The following MB21D2 variants were observed in gnomAD, a reference collection of about 807,000 sequenced individuals.
MB21D2 encodes the protein Mab-21 domain containing 2, also known as nucleotidyltransferase MB21D2.
MB21D2 carries 9 observed loss-of-function variants against 33.3 expected under a neutral mutation model. The observed-to-expected ratio is 0.27, with a 90% CI of 0.16 to 0.47. MB21D2 has a LOEUF of 0.47. Among genes scored for constraint, MB21D2 ranks in the 20% least tolerant of loss-of-function variants. MB21D2 has a pLI of 0.99. For synonymous variants in MB21D2, 241 were observed against 236.3 expected (o/e 1.02, Z -0.18); for missense variants, 540 against 624.6 (o/e 0.86, Z 1.44).
intron 1 of MB21D2, among the ~76,000 whole-genome samples, chr3:192,894,288 C>G (rs1333372676): frequency 6.6e-6 from 1 of 151,770 alleles, no homozygotes; most frequent in Non-Finnish European, 1.5e-5. Flanking sequence ...ACCACCATGC[C>G]TGGCTGATTT....
intron 1 of MB21D2, among the ~76,000 whole-genome samples, chr3:192,838,847 A>C (rs1310212647): frequency 1.3e-5 from 2 of 152,214 alleles, no homozygotes; most frequent in African/African-American, 4.8e-5. Flanking sequence ...GGAATCTTGG[A>C]GCAGGGATAG....
chr3:192,845,085 A>G (rs979676907), intron 1 of MB21D2, among the ~76,000 whole-genome samples: 79 of 152,238 alleles, frequency 5.2e-4, no homozygotes, highest in African/African-American at 1.9e-3. Flanking sequence ...TTCAAAAGTA[A>G]AAGAAACATG....
At chr3:192,823,149 A>G (rs1314400803) in intron 1 of MB21D2, among the ~76,000 whole-genome samples, 2 of 152,214 alleles carry the variant, frequency 1.3e-5, no homozygotes, top group African/African-American at 4.8e-5. Context: ...CAAAGATCCT[A>G]TGTTCTAGTT....
intron 1 of MB21D2, among the ~76,000 whole-genome samples, chr3:192,808,515 A>G (rs1711714043): frequency 6.6e-6 from 1 of 152,218 alleles, no homozygotes; most frequent in Admixed American, 6.5e-5. Flanking sequence ...TTTTCAGTGT[A>G]ATGTTGTAAA....
chr3:192,839,344 C>T (rs1712519168), intron 1 of MB21D2, among the ~76,000 whole-genome samples: 1 of 152,170 alleles, frequency 6.6e-6, no homozygotes, highest in African/African-American at 2.4e-5. Flanking sequence ...GGGCACTCTT[C>T]TTCCTGCTCC....
At chr3:192,886,482 A>G (rs1713735414) in intron 1 of MB21D2, among the ~76,000 whole-genome samples, 1 of 152,120 alleles carries the variant, frequency 6.6e-6, no homozygotes. Context: ...AAATCTTGAC[A>G]CTTTGCTACA....
At chr3:192,905,985 T>C (rs1407539065) in intron 1 of MB21D2, among the ~76,000 whole-genome samples, 2 of 152,226 alleles carry the variant, frequency 1.3e-5, no homozygotes, top group Non-Finnish European at 1.5e-5. Flanking sequence ...CTTCCTGTGT[T>C]AAAACAGATA....
chr3:192,889,950 C>A (rs74287967), intron 1 of MB21D2, among the ~76,000 whole-genome samples: 1 of 151,884 alleles, frequency 6.6e-6, no homozygotes, highest in African/African-American at 2.4e-5. Flanking sequence ...AAAAATCCAA[C>A]GGTAGACACC....
At chr3:192,903,225 T>C (rs973252691) in intron 1 of MB21D2, among the ~76,000 whole-genome samples, 2 of 152,188 alleles carry the variant, frequency 1.3e-5, no homozygotes, top group African/African-American at 2.4e-5. Flanking sequence ...CAGGTACAAG[T>C]ATCTTTCTTA....
intron 1 of MB21D2, among the ~76,000 whole-genome samples, chr3:192,896,495 G>C (rs912300260): frequency 6.6e-6 from 1 of 152,136 alleles, no homozygotes. Flanking sequence ...TGGAACAACA[G>C]GTGCATGCCA....
rs777311233 is a variant in MB21D2 at position 192,799,559 on chromosome 3, G to C, written c.303C>G (p.Asp101Glu). The change falls in exon 2 of 2, where the codon GAC (aspartate) becomes GAG (glutamate). Residue 101 changes from aspartate to glutamate, a missense_variant. Physicochemically the swap from Asp to Glu is conservative, Grantham distance 45. Transcript: ENST00000392452. This position sits in a 1 kb window ranked among gnomAD's most constrained non-coding sequence, Gnocchi z 4.1. ...GGGCATAGACATTAAGCTCATCTAA[G>C]TCCAGGTCCACCACGCCTTCCCGGA... ...GGVREGVVDL[D>E]LDELNVYARG... The C allele has an allele frequency of 6.2e-7, 1 of 1,614,130 alleles. No homozygotes were observed. Among genetic ancestry groups the C allele is most frequent in the Non-Finnish European group, 8.5e-7 (1 of 1,180,032 alleles).
At chr3:192,843,418 G>C (rs1460471879) in intron 1 of MB21D2, among the ~76,000 whole-genome samples, 2 of 152,080 alleles carry the variant, frequency 1.3e-5, no homozygotes, top group Non-Finnish European at 2.9e-5. Flanking sequence ...GATCAGACAA[G>C]GAGACTGTCA....
At chr3:192,917,380 A>G (rs1047193972) in intron 1 of MB21D2, among the ~76,000 whole-genome samples, 2 of 152,214 alleles carry the variant, frequency 1.3e-5, no homozygotes, top group Non-Finnish European at 2.9e-5. Flanking sequence ...TGGCGGAGAA[A>G]TTAACAAAAG....
chr3:192,842,648 TTTA>T (rs1712599506), intron 1 of MB21D2, among the ~76,000 whole-genome samples: 1 of 152,178 alleles, frequency 6.6e-6, no homozygotes, highest in South Asian at 2.1e-4. Flanking sequence ...AAAATAATCC[TTTA>T]TAACACTGAC....
chr3:192,855,324 C>G (rs1456337166), intron 1 of MB21D2, among the ~76,000 whole-genome samples: 2 of 152,196 alleles, frequency 1.3e-5, no homozygotes, highest in Non-Finnish European at 2.9e-5. Context: ...GTCTCTAACT[C>G]CTGGCCTCGT....
chr3:192,901,413 C>CAAA (rs71635401), intron 1 of MB21D2, among the ~76,000 whole-genome samples: 6,934 of 100,712 alleles, frequency 0.069, 710 homozygotes, highest in African/African-American at 0.19. Context: ...ACTAAAAATT[C>CAAA]AAAAAAAAAA....
chr3:192,915,885 G>T lies in MB21D2; in HGVS notation c.211+1745C>A, dbSNP rs78013323. 4.3e-3 allele frequency among the ~76,000 whole-genome samples: 658 copies of T among 151,992 alleles called. 5 individuals carry two copies. The highest frequency in any genetic ancestry group is 0.015 in the African/African-American group (615 of 41,432). ...TACCTTCTTCTAGTAAATGACCTAC[G>T]CAAGTGACATCAGAACTGATCTGGG... On this transcript the variant is annotated intron_variant, in intron 1 of 1. Transcript: ENST00000392452.
intron 1 of MB21D2, among the ~76,000 whole-genome samples, chr3:192,861,651 G>A (rs1038869159): frequency 6.6e-6 from 1 of 151,928 alleles, no homozygotes; most frequent in Non-Finnish European, 1.5e-5. Context: ...TACTAAATAC[G>A]AAATTAGCCG....
chr3:192,810,500 C>T (rs1381036297), intron 1 of MB21D2, among the ~76,000 whole-genome samples: 2 of 152,160 alleles, frequency 1.3e-5, no homozygotes, highest in Non-Finnish European at 2.9e-5. Context: ...GACTTACAAA[C>T]TATCACTGGC....
Sources: allele counts gnomAD v4.1 joint callset (sites outside exome capture counted in the v4.1 genomes callset), GRCh38; gene constraint gnomAD v4.1.1; non-coding constraint Gnocchi (gnomAD v3.1); transcripts MANE v1.5; gene names NCBI Gene and HGNC (gene_info 2026-07-23, HGNC 2026-07-21).